The following TRAPPC9 variants were observed in gnomAD, a reference collection of about 807,000 sequenced individuals.
TRAPPC9 encodes trafficking protein particle complex subunit 9.
A neutral mutation model predicts 124.0 loss-of-function variants in TRAPPC9; 83 were observed. The ratio of observed to expected loss-of-function variants is 0.67; its 90% CI spans 0.56 to 0.80. TRAPPC9 has a LOEUF of 0.80. TRAPPC9 is among the 30% of genes least tolerant of loss of function. TRAPPC9 has a pLI of 0.00. For missense variants in TRAPPC9, 1,302 were observed against 1,508.3 expected (o/e 0.86, Z 2.27); for synonymous variants, 638 against 617.5 (o/e 1.03, Z -0.49).
chr8:140,167,505 G>A (rs1287513311), intron 17 of TRAPPC9, among the ~76,000 whole-genome samples: 1 of 152,170 alleles, frequency 6.6e-6, no homozygotes, highest in Non-Finnish European at 1.5e-5. Flanking sequence ...GGAAACGGAG[G>A]TTCTGAGGGC....
chr8:140,275,495 G>A (rs567240998), intron 15 of TRAPPC9, among the ~76,000 whole-genome samples, 163 bp downstream of exon 15: 1 of 152,296 alleles, frequency 6.6e-6, no homozygotes, highest in East Asian at 1.9e-4. Context: ...CAAGGCTCCT[G>A]CACTCAAGCT....
chr8:140,064,412 C>T (rs531266226), intron 17 of TRAPPC9, among the ~76,000 whole-genome samples: 27 of 152,246 alleles, frequency 1.8e-4, no homozygotes, highest in Middle Eastern at 3.4e-3. Flanking sequence ...CATTTTAAAA[C>T]GGATGAAATA....
intron 21 of TRAPPC9, among the ~76,000 whole-genome samples, chr8:139,752,189 C>A (rs1158068478): frequency 6.6e-6 from 1 of 151,732 alleles, no homozygotes; most frequent in Non-Finnish European, 1.5e-5. Flanking sequence ...CGCCATCCAT[C>A]CACCATCTAC....
At chr8:139,922,231 C>G (rs1832558940) in intron 19 of TRAPPC9, among the ~76,000 whole-genome samples, 1 of 150,700 alleles carries the variant, frequency 6.6e-6, no homozygotes, top group Non-Finnish European at 1.5e-5. Context: ...TAGGCTAGTA[C>G]AGTGGCACAC....
At chr8:140,338,323 G>A (rs1406036386) in intron 9 of TRAPPC9, among the ~76,000 whole-genome samples, 3 of 152,126 alleles carry the variant, frequency 2.0e-5, no homozygotes, top group East Asian at 1.9e-4. Flanking sequence ...ATATGTGTCC[G>A]CTCCATTACC....
chr8:139,766,038 T>C (rs913498263), intron 21 of TRAPPC9, among the ~76,000 whole-genome samples: 13 of 152,242 alleles, frequency 8.5e-5, no homozygotes, highest in African/African-American at 2.2e-4. Context: ...GTAATTTCCA[T>C]AGATGCAACA....
chr8:140,415,649 C>T (rs2069898737), intron 5 of TRAPPC9, among the ~76,000 whole-genome samples: 1 of 151,364 alleles, frequency 6.6e-6, no homozygotes, highest in South Asian at 2.1e-4. Flanking sequence ...GCATAGAGGG[C>T]AATTTGTAGC....
At chr8:139,961,603 C>T (rs1835375507) in intron 19 of TRAPPC9, among the ~76,000 whole-genome samples, 3 of 123,766 alleles carry the variant, frequency 2.4e-5, no homozygotes, top group African/African-American at 7.7e-5. Context: ...CTCCCAGGTG[C>T]AGGACCTGGG....
chr8:139,932,527 C>T (rs1285407346), intron 19 of TRAPPC9: 2 of 455,758 alleles, frequency 4.4e-6, no homozygotes, highest in East Asian at 6.9e-5. Flanking sequence ...CTTTGGAAGG[C>T]CGAGGCAGGT....
chr8:139,800,737 C>T (rs1481430452), intron 21 of TRAPPC9, among the ~76,000 whole-genome samples: 2 of 152,158 alleles, frequency 1.3e-5, no homozygotes, highest in African/African-American at 4.8e-5. Context: ...ACTCTTCCCT[C>T]CCTCCAGTAT....
chr8:139,862,164 G>A (rs918178662), intron 21 of TRAPPC9, among the ~76,000 whole-genome samples: 2 of 152,364 alleles, frequency 1.3e-5, no homozygotes, highest in Non-Finnish European at 2.9e-5. Flanking sequence ...AGCAAAAACG[G>A]CTCTGCTGGG....
chr8:140,408,637 C>T (rs974194227), intron 5 of TRAPPC9, among the ~76,000 whole-genome samples: 2 of 152,062 alleles, frequency 1.3e-5, no homozygotes, highest in Non-Finnish European at 2.9e-5. Flanking sequence ...AACCCTGCTA[C>T]GTGGGCACTG....
At chr8:140,065,660 C>T (rs764359439) in intron 17 of TRAPPC9, among the ~76,000 whole-genome samples, 3 of 152,218 alleles carry the variant, frequency 2.0e-5, no homozygotes, top group South Asian at 2.1e-4. Context: ...TGGATGACAG[C>T]GCATCTGTTT....
chr8:140,390,886 C>T (rs974277815), intron 7 of TRAPPC9, among the ~76,000 whole-genome samples: 24 of 152,186 alleles, frequency 1.6e-4, no homozygotes, highest in Non-Finnish European at 3.5e-4. Context: ...CTGAAAGCCA[C>T]GCACCCTGCT....
intron 19 of TRAPPC9, among the ~76,000 whole-genome samples, chr8:139,979,709 G>T (rs77618860): frequency 0.017 from 2,636 of 152,182 alleles, 69 homozygotes; most frequent in African/African-American, 0.059. Flanking sequence ...CCACAGTGTC[G>T]AGGAGGACAG....
intron 17 of TRAPPC9, among the ~76,000 whole-genome samples, chr8:140,045,787 G>C (rs1233998682): frequency 3.3e-5 from 5 of 151,826 alleles, no homozygotes; most frequent in African/African-American, 9.7e-5. Context: ...GCTCAGCCTC[G>C]AGGTGGCAGA....
chr8:140,263,047 G>A (rs2064484010), intron 15 of TRAPPC9, among the ~76,000 whole-genome samples: 1 of 152,182 alleles, frequency 6.6e-6, no homozygotes, highest in Non-Finnish European at 1.5e-5. Flanking sequence ...ACTCCCCAGG[G>A]CAGAGCCCTC....
At chr8:140,086,421 C>T (rs1844187363) in intron 17 of TRAPPC9, among the ~76,000 whole-genome samples, 1 of 152,130 alleles carries the variant, frequency 6.6e-6, no homozygotes, top group African/African-American at 2.4e-5. Flanking sequence ...ACTGCAGCCC[C>T]ACATAGCCCC....
chr8:139,933,045 A>T (rs545570794), intron 19 of TRAPPC9: 1 of 157,614 alleles, frequency 6.3e-6, no homozygotes, highest in East Asian at 1.9e-4. Flanking sequence ...CCCCGCCGGG[A>T]GCAACATCTC....
Sources: allele counts gnomAD v4.1 joint callset (sites outside exome capture counted in the v4.1 genomes callset), GRCh38; gene constraint gnomAD v4.1.1; transcripts MANE v1.5; gene names NCBI Gene and HGNC (gene_info 2026-07-23, HGNC 2026-07-21).